SLC35F3: variants seen among roughly 807,000 people sequenced by gnomAD.
The protein encoded by SLC35F3 is solute carrier family 35 member F3.
Under a neutral mutation model 49.9 loss-of-function variants are expected in SLC35F3, and 25 were observed. The observed-to-expected ratio is 0.50, with a 90% confidence interval of 0.37 to 0.70. SLC35F3 has a LOEUF of 0.70. Among genes scored for constraint, SLC35F3 ranks in the 30% least tolerant of loss-of-function variants. The pLI is 0.00. For missense variants in SLC35F3, 525 were observed against 639.8 expected (o/e 0.82, Z 1.94); for synonymous variants, 275 against 265.4 (o/e 1.04, Z -0.35).
At chr1:234,201,550 A>C (rs1666900148) in intron 2 of SLC35F3, among the ~76,000 whole-genome samples, 1 of 152,204 alleles carries the variant, frequency 6.6e-6, no homozygotes, top group African/African-American at 2.4e-5. Context: ...GGTTGCTACA[A>C]ATCCCAAATT....
At chr1:234,266,662 T>C (rs1160668194) in intron 3 of SLC35F3, among the ~76,000 whole-genome samples, 1 of 152,222 alleles carries the variant, frequency 6.6e-6, no homozygotes, top group Non-Finnish European at 1.5e-5. Context: ...TAGGCTATAA[T>C]GGGATAGCCT....
At chr1:234,038,844 C>A (rs1001662301) in intron 2 of SLC35F3, among the ~76,000 whole-genome samples, 1 of 152,040 alleles carries the variant, frequency 6.6e-6, no homozygotes, top group Non-Finnish European at 1.5e-5. Context: ...GAAGATAACA[C>A]CCATAGGATT....
intron 2 of SLC35F3, among the ~76,000 whole-genome samples, chr1:234,014,416 G>A (rs1056349717): frequency 6.6e-6 from 1 of 152,150 alleles, no homozygotes. Context: ...TCAGGAACAA[G>A]ATAAGAATGC....
chr1:234,055,899 G>T (rs748465541), intron 2 of SLC35F3, among the ~76,000 whole-genome samples: 23 of 151,984 alleles, frequency 1.5e-4, no homozygotes, highest in Non-Finnish European at 3.1e-4. Context: ...TTTTATAATT[G>T]GATATTACCA....
chr1:234,070,605 G>A (rs947826493), intron 2 of SLC35F3, among the ~76,000 whole-genome samples: 6 of 152,148 alleles, frequency 3.9e-5, no homozygotes, highest in Non-Finnish European at 8.8e-5. Context: ...GGGTGTGTCC[G>A]CAATTTGTTT....
At chr1:234,189,586 A>T (rs1572087705) in intron 2 of SLC35F3, among the ~76,000 whole-genome samples, 1 of 152,052 alleles carries the variant, frequency 6.6e-6, no homozygotes, top group East Asian at 1.9e-4. Flanking sequence ...TAAATTACCA[A>T]ACCTAAGAAT....
At chr1:234,192,479 C>T (rs1202059695) in intron 2 of SLC35F3, among the ~76,000 whole-genome samples, 1 of 152,116 alleles carries the variant, frequency 6.6e-6, no homozygotes, top group East Asian at 1.9e-4. Flanking sequence ...TATGACAAAT[C>T]CACAGCCAAC....
At chr1:234,075,614 C>A (rs1412874784) in intron 2 of SLC35F3, among the ~76,000 whole-genome samples, 2 of 152,208 alleles carry the variant, frequency 1.3e-5, no homozygotes, top group Admixed American at 6.5e-5. Context: ...CCAAGCTATG[C>A]ACACTGTAGA....
intron 3 of SLC35F3, among the ~76,000 whole-genome samples, chr1:234,302,266 G>A (rs1483847861): frequency 6.6e-6 from 1 of 152,156 alleles, no homozygotes; most frequent in Non-Finnish European, 1.5e-5. Flanking sequence ...AAACTTTGGG[G>A]ACTGTGCTAA....
intron 2 of SLC35F3, among the ~76,000 whole-genome samples, chr1:234,009,742 C>T (rs1663685335): frequency 6.6e-6 from 1 of 152,006 alleles, no homozygotes; most frequent in African/African-American, 2.4e-5. Context: ...AACTGTGATG[C>T]TTTAAAAAAA....
chr1:233,958,167 G>T (rs561747659), intron 2 of SLC35F3, among the ~76,000 whole-genome samples: 1 of 152,278 alleles, frequency 6.6e-6, no homozygotes, highest in South Asian at 2.1e-4. Flanking sequence ...TCTATTTTAT[G>T]TTTCTAATTT....
intron 2 of SLC35F3, among the ~76,000 whole-genome samples, chr1:234,002,796 A>G (rs1185881440): frequency 6.6e-6 from 1 of 152,156 alleles, no homozygotes; most frequent in African/African-American, 2.4e-5. Flanking sequence ...GATTTCTTCT[A>G]CAAGGGAGAA....
chr1:234,147,591 G>A (rs1418859233), intron 2 of SLC35F3, among the ~76,000 whole-genome samples: 1 of 152,098 alleles, frequency 6.6e-6, no homozygotes, highest in African/African-American at 2.4e-5. Flanking sequence ...GTTTCTTTGG[G>A]AGAATCGGTT....
chr1:233,955,403 C>T (rs1403689131), intron 2 of SLC35F3, among the ~76,000 whole-genome samples: 1 of 152,132 alleles, frequency 6.6e-6, no homozygotes, highest in Non-Finnish European at 1.5e-5. Flanking sequence ...GTGAATGTCC[C>T]CACCAGCTCT....
chr1:233,961,014 G>T (rs1208681861), intron 2 of SLC35F3, among the ~76,000 whole-genome samples: 5 of 152,064 alleles, frequency 3.3e-5, no homozygotes, highest in Non-Finnish European at 5.9e-5. Flanking sequence ...AGGGTGCTAT[G>T]TCTTGCTAGT....
At chr1:234,253,914 A>G (rs944764518) in intron 3 of SLC35F3, among the ~76,000 whole-genome samples, 3 of 152,206 alleles carry the variant, frequency 2.0e-5, no homozygotes, top group African/African-American at 2.4e-5. Context: ...AGATGGCAGG[A>G]TGCTAGCTGG....
chr1:234,079,229 C>T (rs1664840059), intron 2 of SLC35F3, among the ~76,000 whole-genome samples: 1 of 152,146 alleles, frequency 6.6e-6, no homozygotes. Context: ...GGGGAAGTAA[C>T]CTTGTCAACA....
intron 2 of SLC35F3, among the ~76,000 whole-genome samples, chr1:234,041,375 A>G (rs1664219039): frequency 6.6e-6 from 1 of 152,154 alleles, no homozygotes. Context: ...GGGGAAAAGG[A>G]CTACGGAGGG....
intron 2 of SLC35F3, among the ~76,000 whole-genome samples, chr1:234,040,929 A>C (rs1338448480): frequency 6.6e-6 from 1 of 152,238 alleles, no homozygotes; most frequent in Admixed American, 6.5e-5. Context: ...CGAACAGATG[A>C]GTAATGCTAT....
Sources: allele counts gnomAD v4.1 joint callset (sites outside exome capture counted in the v4.1 genomes callset), GRCh38; gene constraint gnomAD v4.1.1; transcripts MANE v1.5; gene names NCBI Gene and HGNC (gene_info 2026-07-23, HGNC 2026-07-21).